The following SP140 variants were observed in gnomAD, a reference collection of about 807,000 sequenced individuals.
SP140 encodes the protein nuclear body protein SP140.
In SP140, 81 loss-of-function variants were observed where a neutral mutation model predicts 125.0. The observed-to-expected ratio is 0.65, with a 90% confidence interval of 0.54 to 0.78. SP140 has a LOEUF of 0.78. Among genes scored for constraint, SP140 ranks in the 30% least tolerant of loss-of-function variants. SP140 has a pLI of 0.00. For missense variants in SP140, 858 were observed against 1,037.0 expected (o/e 0.83, Z 2.37); for synonymous variants, 312 against 354.0 (o/e 0.88, Z 1.33).
chr2:230,310,526 A>G, intron 23 of SP140: 1 of 1,069,680 alleles, frequency 9.3e-7, no homozygotes, highest in Non-Finnish European at 1.4e-6. Flanking sequence ...CGGTGACACC[A>G]CCTTCCTCAG....
chr2:230,193,269 A>AGAT, the SP140 span, among the ~76,000 whole-genome samples: 7 of 152,322 alleles, frequency 4.6e-5, 1 homozygote, highest in South Asian at 1.5e-3. Flanking sequence ...AGTCTCTTGA[A>AGAT]GATAGCAGAT....
the SP140 span, among the ~76,000 whole-genome samples, chr2:230,192,644 T>C: frequency 1.3e-5 from 2 of 152,068 alleles, no homozygotes; most frequent in African/African-American, 4.8e-5. Flanking sequence ...AGGACACAAA[T>C]GGAAAAACAT....
chr2:230,264,793 G>A (rs963440529), intron 12 of SP140, among the ~76,000 whole-genome samples: 127 of 152,166 alleles, frequency 8.3e-4, no homozygotes, highest in African/African-American at 2.8e-3. Flanking sequence ...GCTGGTACTC[G>A]GGGTTGTCTG....
chr2:230,250,892 C>A, intron 9 of SP140, 89 bp from the exon 10 acceptor site: 1 of 1,456,576 alleles, frequency 6.9e-7, no homozygotes. Context: ...GGGTGATGGA[C>A]AGCCCCACCT....
At chr2:230,271,551 CCTT>C (rs2053926852) in intron 15 of SP140, among the ~76,000 whole-genome samples, 1 of 152,138 alleles carries the variant, frequency 6.6e-6, no homozygotes, top group Non-Finnish European at 1.5e-5. Context: ...GAAAGGGCCT[CCTT>C]ATTATATAGT....
intron 3 of SP140, chr2:230,215,193 A>C: frequency 8.2e-7 from 1 of 1,223,470 alleles, no homozygotes. Context: ...TGGTTTTCTA[A>C]GTTTTAAGAA....
intron 21 of SP140, 109 bp from the exon 22 acceptor site, chr2:230,297,312 A>T (rs1033360985): frequency 1.5e-6 from 2 of 1,322,386 alleles, no homozygotes; most frequent in Non-Finnish European, 2.1e-6. Flanking sequence ...ATTATTTTTT[A>T]ACAACTGGTT....
chr2:230,270,399 A>C (rs947924641), intron 14 of SP140, among the ~76,000 whole-genome samples, 187 bp from the exon 15 acceptor site: 3 of 152,188 alleles, frequency 2.0e-5, no homozygotes, highest in African/African-American at 4.8e-5. Context: ...TTTTGATAGA[A>C]GACCCAGGGC....
chr2:230,212,458 A>C, intron 1 of SP140: 1 of 1,518,936 alleles, frequency 6.6e-7, no homozygotes, highest in Non-Finnish European at 9.1e-7. Flanking sequence ...ATTATTACAG[A>C]TTGCAGGGAC....
At chr2:230,222,063 A>G (rs2045863643), upstream of SP140, among the ~76,000 whole-genome samples, 2 of 152,202 alleles carry the variant, frequency 1.3e-5, no homozygotes, top group Non-Finnish European at 2.9e-5. Flanking sequence ...TCCCGTCTCT[A>G]CTAAAAACAC....
intron 15 of SP140, among the ~76,000 whole-genome samples, chr2:230,274,299 A>C (rs1036396708): frequency 3.9e-5 from 6 of 152,160 alleles, no homozygotes; most frequent in African/African-American, 1.4e-4. Flanking sequence ...GTTACTTTAC[A>C]TGGCAGAAGG....
intron 12 of SP140, among the ~76,000 whole-genome samples, chr2:230,259,489 C>A (rs1026388740): frequency 6.6e-6 from 1 of 151,212 alleles, no homozygotes; most frequent in African/African-American, 2.4e-5. Context: ...ACCAACCTGG[C>A]CAACATGGCA....
chr2:230,241,417 C>G lies in SP140; in HGVS notation c.420C>G (p.His140Gln). 6.3e-7 allele frequency: 1 copy of G among 1,594,430 alleles called. No individual in the cohort carries two copies. The highest frequency in any genetic ancestry group is 8.6e-7 in the Non-Finnish European group (1 of 1,162,166). ...YRSFQNVCYE[H>Q]SPLQMNNVND... The stretch of plus-strand genomic sequence containing the variant: ...TGTTTTCCTCAGTATGCTATGAACA[C>G]TCACCTCTCCAAATGAATAATGTAA... The change falls in exon 4 of 27, where the codon CAC (histidine) becomes CAG (glutamine). Residue 140 changes from histidine to glutamine, a missense_variant. This residue lies in a region of SP140 where 791 missense variants were observed against 869.5 expected (regional missense o/e 0.91). Coordinates refer to ENST00000392045, the MANE Select transcript of SP140 (RefSeq NM_007237.5).
chr2:230,231,621 G>A (rs200098451), intron 1 of SP140, among the ~76,000 whole-genome samples: 9 of 152,212 alleles, frequency 5.9e-5, no homozygotes, highest in African/African-American at 2.2e-4. Flanking sequence ...AGGGGGAAGT[G>A]GTCTATAATC....
chr2:230,238,873 A>C (rs1348203040), intron 3 of SP140: 7 of 1,552,104 alleles, frequency 4.5e-6, no homozygotes, highest in Non-Finnish European at 6.1e-6. Context: ...GCTGCATGTG[A>C]AAGCTATGAA....
At chr2:230,229,818 A>T (rs965103599) in intron 1 of SP140, among the ~76,000 whole-genome samples, 1 of 151,960 alleles carries the variant, frequency 6.6e-6, no homozygotes, top group Admixed American at 6.5e-5. Flanking sequence ...GGAAGCCTAC[A>T]TAGGCTTTTT....
intron 22 of SP140, among the ~76,000 whole-genome samples, chr2:230,309,297 G>C (rs534736989): frequency 1.1e-4 from 16 of 152,314 alleles, no homozygotes; most frequent in Middle Eastern, 3.4e-3. Context: ...AGTTAGCTAA[G>C]TCAAGGGGGA....
Position 230,225,868 on chromosome 2 carries a change from G to T in SP140, c.24G>T (p.Gly8=). The change falls in exon 1 of 27, where the codon GGG becomes GGT. Residue 8 remains glycine (G), a synonymous_variant. Transcript: ENST00000392045. The part of the protein sequence containing the change: MAQQGQQ[G]QMASGDSNLN... ...TCATGGCCCAGCAGGGCCAGCAGGG[G>T]CAGATGGCAAGTGGAGACAGCAATC... is the stretch of plus-strand genomic sequence containing the variant. The T allele has an allele frequency of 6.2e-7, 1 of 1,614,012 alleles. No homozygotes were observed. Among genetic ancestry groups the T allele is most frequent in the South Asian group, 1.1e-5 (1 of 91,078 alleles).
intron 9 of SP140, among the ~76,000 whole-genome samples, chr2:230,250,156 G>C (rs561185092): frequency 2.0e-5 from 3 of 152,204 alleles, no homozygotes; most frequent in African/African-American, 7.2e-5. Flanking sequence ...TATCCTGTTT[G>C]CTCTTCTACT....
Sources: allele counts gnomAD v4.1 joint callset (sites outside exome capture counted in the v4.1 genomes callset), GRCh38; gene constraint gnomAD v4.1.1; regional missense constraint gnomAD v4.1.1; transcripts MANE v1.5; gene names NCBI Gene and HGNC (gene_info 2026-07-23, HGNC 2026-07-21).